KCNH1: variants seen among roughly 807,000 people sequenced by gnomAD.
KCNH1 encodes voltage-gated delayed rectifier potassium channel KCNH1.
A neutral mutation model predicts 69.2 loss-of-function variants in KCNH1; 27 were observed. The observed-to-expected ratio is 0.39, with a 90% confidence interval of 0.29 to 0.54. The LOEUF (loss-of-function observed/expected upper bound fraction) is 0.54. Among genes scored for constraint, KCNH1 ranks in the 20% least tolerant of loss-of-function variants. KCNH1 has a pLI of 0.68. For synonymous variants in KCNH1, 456 were observed against 487.7 expected, an observed-to-expected ratio of 0.93 and a Z score of 0.86; for missense variants, 798 against 1,261.6, an observed-to-expected ratio of 0.63 and a Z score of 5.57.
intron 7 of KCNH1, among the ~76,000 whole-genome samples, chr1:210,893,008 G>A (rs1228275474): frequency 3.3e-5 from 5 of 152,144 alleles, no homozygotes; most frequent in African/African-American, 4.8e-5. Flanking sequence ...CATTCTAAGG[G>A]GTCGGAGGAA....
chr1:210,831,834 T>TA (rs1481604816), intron 7 of KCNH1, among the ~76,000 whole-genome samples: 1 of 152,162 alleles, frequency 6.6e-6, no homozygotes, highest in Non-Finnish European at 1.5e-5. Flanking sequence ...TTCAAGTACT[T>TA]AGAGTAATGC....
chr1:211,072,748 GA>G (rs778955664), intron 5 of KCNH1, among the ~76,000 whole-genome samples: 10 of 151,888 alleles, frequency 6.6e-5, no homozygotes, highest in Non-Finnish European at 1.5e-4. Context: ...GCTAAGGAAG[GA>G]GAAAAAGTTG....
chr1:211,026,822 T>G (rs924703729), intron 5 of KCNH1, among the ~76,000 whole-genome samples: 6 of 152,100 alleles, frequency 3.9e-5, no homozygotes, highest in Admixed American at 3.9e-4. Flanking sequence ...GAGGTATCCA[T>G]GTAAGCTTAG....
chr1:211,019,056 A>C lies in KCNH1; in HGVS notation c.759T>G (p.Val253=). The part of the protein sequence containing the change: ...TRQNNVAWLV[V]DSIVDVIFLV... ...AAAAGATAACATCCACGATGCTATC[A>C]ACAACCAGCCAGGCCACATTATTCT... The change falls in exon 6 of 11, where the codon GTT becomes GTG. Residue 253 remains valine (V), a synonymous_variant. Transcript: ENST00000271751. 1.2e-6 allele frequency: 2 copies of C among 1,614,102 alleles called. No homozygotes were observed. The highest frequency in any genetic ancestry group is 1.7e-6 in the Non-Finnish European group (2 of 1,179,978).
At chr1:210,817,729 C>G (rs759529028) in intron 7 of KCNH1, among the ~76,000 whole-genome samples, 3 of 152,134 alleles carry the variant, frequency 2.0e-5, no homozygotes, top group Non-Finnish European at 2.9e-5. Flanking sequence ...ACATGGGACA[C>G]AGAGAGTTTA....
intron 7 of KCNH1, among the ~76,000 whole-genome samples, chr1:210,869,920 C>A (rs1461963157): frequency 2.0e-5 from 3 of 152,082 alleles, no homozygotes; most frequent in Non-Finnish European, 4.4e-5. Flanking sequence ...GCTGTAGTTA[C>A]AAGAGGAATG....
At chr1:210,731,587 A>T (rs1472429095) in intron 10 of KCNH1, among the ~76,000 whole-genome samples, 1 of 152,106 alleles carries the variant, frequency 6.6e-6, no homozygotes, top group Non-Finnish European at 1.5e-5. Flanking sequence ...GTTACTGGGG[A>T]AATTTTATGA....
At chr1:210,885,538 G>T (rs1686585443) in intron 7 of KCNH1, among the ~76,000 whole-genome samples, 2 of 151,980 alleles carry the variant, frequency 1.3e-5, no homozygotes, top group Admixed American at 1.3e-4. Context: ...ACACCAGCGA[G>T]ACAGAACCAT....
chr1:210,723,355 C>G (rs1265843009), intron 10 of KCNH1, among the ~76,000 whole-genome samples: 1 of 152,010 alleles, frequency 6.6e-6, no homozygotes, highest in Non-Finnish European at 1.5e-5. Context: ...TCATAGGCAT[C>G]CATGGAGTCA....
intron 7 of KCNH1, 134 bp from the exon 8 acceptor site, chr1:210,804,300 T>A: frequency 1.4e-6 from 1 of 696,586 alleles, no homozygotes. Context: ...CTGCCCTGAC[T>A]ATTCTCAGGA....
intron 10 of KCNH1, among the ~76,000 whole-genome samples, chr1:210,751,815 C>T (rs778953740): frequency 2.0e-5 from 3 of 151,990 alleles, no homozygotes; most frequent in Non-Finnish European, 4.4e-5. Flanking sequence ...ATGAATAAAG[C>T]CCCCAAATCC....
In KCNH1 at chr1:210,937,003, A is replaced by G. The variant is rs145670189; in HGVS notation, c.1033-16934T>C. On this transcript the variant is annotated intron_variant, in intron 6 of 10. Coordinates refer to ENST00000271751, the MANE Select transcript of KCNH1 (RefSeq NM_172362.3). Reference sequence around the variant, plus strand: ...CTCTGCAGATTCCACTTCCTTTTGTATCATACTAGACTCTGTTAATTACAT... The same window carrying G: ...CTCTGCAGATTCCACTTCCTTTTGTGTCATACTAGACTCTGTTAATTACAT... 7.2e-5 allele frequency among the ~76,000 whole-genome samples: 11 copies of G among 152,080 alleles called. No individual in the cohort carries two copies. The East Asian group carries it at 2.1e-3, about 29-fold the overall frequency.
chr1:210,683,390 A>C lies in KCNH1; in HGVS notation c.2861T>G (p.Ile954Arg). ...MTNIEKQLSE[I>R]LRILTSRRSS... ...TCTTCTGGAAGTTAATATCCTGAGT[A>C]TCTCAGAGAGCTGTTTCTCAATATT... Residue 954 changes from isoleucine to arginine, a missense_variant, in exon 11 of 11, where the codon ATA becomes AGA. Physicochemically the swap from Ile to Arg is moderately conservative, Grantham distance 97 (BLOSUM62 -3). Coordinates refer to ENST00000271751, the MANE Select transcript of KCNH1 (RefSeq NM_172362.3). This position sits in a 1 kb window ranked among gnomAD's most constrained non-coding sequence, Gnocchi z 5.7. 6.2e-7 allele frequency: 1 copy of C among 1,614,138 alleles called. No homozygotes were observed. Among genetic ancestry groups the C allele is most frequent in the Non-Finnish European group, 8.5e-7 (1 of 1,180,020 alleles).
intron 3 of KCNH1, among the ~76,000 whole-genome samples, chr1:211,101,126 T>C (rs1284726922): frequency 6.6e-6 from 1 of 152,202 alleles, no homozygotes; most frequent in Non-Finnish European, 1.5e-5. Context: ...GTTGGAGTCA[T>C]GAGCCACCTA....
chr1:211,097,799 T>C (rs987289855), intron 3 of KCNH1, among the ~76,000 whole-genome samples: 1 of 152,220 alleles, frequency 6.6e-6, no homozygotes, highest in African/African-American at 2.4e-5. Context: ...TGGGCTTCTC[T>C]GACTGGGAAA....
intron 10 of KCNH1, among the ~76,000 whole-genome samples, chr1:210,770,573 G>A (rs370800234): frequency 1.3e-5 from 2 of 152,220 alleles, no homozygotes; most frequent in South Asian, 4.1e-4. Context: ...GGGTTAACCC[G>A]CTGCCTAACG....
chr1:210,689,273 C>T (rs1380454035), intron 10 of KCNH1, among the ~76,000 whole-genome samples: 2 of 152,192 alleles, frequency 1.3e-5, no homozygotes, highest in African/African-American at 4.8e-5. Flanking sequence ...TCAGGATAGT[C>T]GACCACCTCT....
chr1:210,921,718 C>G (rs1251530291), intron 6 of KCNH1, among the ~76,000 whole-genome samples: 1 of 152,210 alleles, frequency 6.6e-6, no homozygotes, highest in East Asian at 1.9e-4. Context: ...TGCTTCTCCT[C>G]CCCAGCACAT....
intron 7 of KCNH1, among the ~76,000 whole-genome samples, chr1:210,811,391 C>G (rs1048459643): frequency 6.6e-5 from 10 of 152,266 alleles, no homozygotes; most frequent in Admixed American, 1.3e-4. Flanking sequence ...TTTTTGGGAG[C>G]TCTGTTGCAA....
Sources: gnomAD v4.1 joint callset for allele counts (sites outside exome capture counted in the v4.1 genomes callset) on GRCh38, gnomAD v4.1.1 for gene constraint, Gnocchi (gnomAD v3.1) non-coding constraint, MANE v1.5 for transcripts, NCBI Gene and HGNC (gene_info 2026-07-23, HGNC 2026-07-21) for gene names.